Variants in PPARA observed in about 807,000 individuals in gnomAD.
PPARA encodes the protein peroxisome proliferator activated receptor alpha.
PPARA carries 22 observed loss-of-function variants against 42.2 expected under a neutral mutation model. The observed-to-expected ratio is 0.52, with a 90% CI of 0.37 to 0.74. PPARA has a LOEUF of 0.74. PPARA is among the 30% of genes least tolerant of loss of function. The probability of loss-of-function intolerance (pLI) is 0.00; values close to 1 mark genes in which losing one functional copy is unlikely to be tolerated. For missense variants in PPARA, 465 were observed against 608.2 expected, an observed-to-expected ratio of 0.76 and a Z score of 2.48; for synonymous variants, 242 against 239.3, an observed-to-expected ratio of 1.01 and a Z score of -0.10.
rs544829989 is a variant in PPARA, at chr22:46,198,058, G to A, written c.-42-284G>A. On this transcript the variant is annotated intron_variant, in intron 3 of 8. Coordinates refer to ENST00000407236, the MANE Select transcript of PPARA (RefSeq NM_005036.6). ...CACCCTGGCTAACACAGTGAAACCC[G>A]TCTCTACTAAAAAAAAAAAAATACA... 6.5e-3 allele frequency among the ~76,000 whole-genome samples: 958 copies of A among 147,180 alleles called. 12 individuals carry two copies. The highest frequency in any genetic ancestry group is 0.024 in the African/African-American group (923 of 39,244).
Position 46,182,953 on chromosome 22 carries a change from C to T in PPARA, c.-43+6117C>T, listed in dbSNP as rs1459157940. ...AAAGACAGGGTTTCGCCATGATTGC[C>T]AGGCTGGTCTTGAACTCCTGACCTC... is the stretch of plus-strand genomic sequence containing the variant. On this transcript the variant is annotated intron_variant, in intron 3 of 8. Transcript: ENST00000407236. The surrounding 1 kb of genome is among the most constrained non-coding windows in gnomAD (Gnocchi z 5.2). Among the ~76,000 whole-genome samples the T allele has an allele frequency of 6.6e-6, 1 of 152,142 alleles. No homozygotes were observed. Among genetic ancestry groups the T allele is most frequent in the African/African-American group, 2.4e-5 (1 of 41,448 alleles).
intron 4 of PPARA, among the ~76,000 whole-genome samples, chr22:46,214,547 G>A (rs1309452190): frequency 7.6e-6 from 1 of 132,374 alleles, no homozygotes; most frequent in Non-Finnish European, 1.6e-5. Flanking sequence ...ATGTTGGGGG[G>A]TCAGGAGATG....
intron 4 of PPARA, 65 bp downstream of exon 4, chr22:46,198,656 C>CAA: frequency 1.0e-6 from 1 of 1,000,784 alleles, no homozygotes; most frequent in Non-Finnish European, 1.5e-6. Flanking sequence ...AAACTGTTCT[C>CAA]TCTTTTTTTT....
Position 46,207,611 on chromosome 22 carries a change from G to A in PPARA, c.209-7562G>A, listed in dbSNP as rs1458974867. Among the ~76,000 whole-genome samples the A allele has an allele frequency of 3.0e-5, 4 of 132,798 alleles. No individual in the cohort carries two copies. The East Asian group carries it at 8.8e-4, about 29-fold the overall frequency. The allele number at this position is 132,798 out of a possible 152,430, so 87.1% of individuals were successfully genotyped here. ...TTTTTTCTTTAAATGCTTTTAAGAT[G>A]TTCCTACTATCTTCTTGTTTTTAAT... On this transcript the variant is annotated intron_variant, in intron 4 of 8. Coordinates refer to ENST00000407236, the MANE Select transcript of PPARA (RefSeq NM_005036.6).
rs1166488930 is a variant in PPARA, at chr22:46,170,772, G to C, written c.-126-5981G>C. On this transcript the variant is annotated intron_variant, in intron 2 of 8. Coordinates refer to ENST00000407236, the MANE Select transcript of PPARA (RefSeq NM_005036.6). ...GAGGAGGGACAAAGTCCTTCCCCTG[G>C]AGGGATCCTGAGCACTTTGGAGAGG... Among the ~76,000 whole-genome samples, 4 of 151,752 alleles carry C rather than the reference G, an allele frequency of 2.6e-5. 1 individual carries two copies. Among genetic ancestry groups the C allele is most frequent in the Non-Finnish European group, 4.4e-5 (3 of 67,900 alleles).
At chr22:46,215,588 A>C (rs1475736151) in intron 5 of PPARA, among the ~76,000 whole-genome samples, 1 of 151,720 alleles carries the variant, frequency 6.6e-6, no homozygotes. Flanking sequence ...AAATACCAAA[A>C]AAAATTAGCC....
chr22:46,174,634 T>C (rs1026778293), intron 2 of PPARA, among the ~76,000 whole-genome samples: 5 of 151,716 alleles, frequency 3.3e-5, no homozygotes, highest in African/African-American at 1.2e-4. Context: ...CTGGGAAACA[T>C]AGTGAGACCC....
chr22:46,152,784 CA>C (rs1326488471), intron 2 of PPARA, among the ~76,000 whole-genome samples: 3 of 152,260 alleles, frequency 2.0e-5, no homozygotes, highest in Admixed American at 2.0e-4. Context: ...AACTCTGAAG[CA>C]AAAGTAAACT....
At position 46,162,988 on chromosome 22, in the gene PPARA, A is replaced by G. The variant is rs949233446; in HGVS notation, c.-127+11018A>G. 1.3e-5 allele frequency among the ~76,000 whole-genome samples: 2 copies of G among 152,248 alleles called. No individual in the cohort carries two copies. The highest frequency in any genetic ancestry group is 4.8e-5 in the African/African-American group (2 of 41,462). On this transcript the variant is annotated intron_variant, in intron 2 of 8. Transcript: ENST00000407236. The surrounding 1 kb of genome is among the most constrained non-coding windows in gnomAD (Gnocchi z 6.0). ...GCACTGTCCTGCTGTGGAAAACAGC[A>G]GGCATGATTCCCTGCCACTACCAAC...
rs1347340322 is a variant in PPARA at position 46,221,894 on chromosome 22, G to A, written c.711+1880G>A. On this transcript the variant is annotated intron_variant, in intron 7 of 8. Transcript: ENST00000407236. The surrounding 1 kb of genome is among the most constrained non-coding windows in gnomAD (Gnocchi z 5.9). ...AGTTTGAGACCACCCTGGCCAACATGGTGAAACCCCATCTCTATTAAAAAT... is the reference window on the plus strand; with the variant it reads ...AGTTTGAGACCACCCTGGCCAACATAGTGAAACCCCATCTCTATTAAAAAT... 6.6e-6 allele frequency among the ~76,000 whole-genome samples: 1 copy of A among 152,084 alleles called. No homozygotes were observed. Among genetic ancestry groups the A allele is most frequent in the African/African-American group, 2.4e-5 (1 of 41,416 alleles).
chr22:46,215,831 C>T (rs4253738), intron 5 of PPARA, among the ~76,000 whole-genome samples: 5,053 of 152,222 alleles, frequency 0.033, 228 homozygotes, highest in African/African-American at 0.1. Context: ...CCCCTGAGAG[C>T]GTAAGCCCTG....
At chr22:46,172,506 T>C (rs1388996000) in intron 2 of PPARA, among the ~76,000 whole-genome samples, 1 of 152,010 alleles carries the variant, frequency 6.6e-6, no homozygotes, top group Non-Finnish European at 1.5e-5. Context: ...TAGTTCCAGC[T>C]ACTCAGGAGG....
At chr22:46,179,672 T>C (rs1929669369) in intron 3 of PPARA, among the ~76,000 whole-genome samples, 1 of 151,902 alleles carries the variant, frequency 6.6e-6, no homozygotes, top group Non-Finnish European at 1.5e-5. Flanking sequence ...TTCATAGATA[T>C]GACACCGAGA....
chr22:46,228,592 T>G (rs1935639216), intron 7 of PPARA, among the ~76,000 whole-genome samples: 1 of 152,052 alleles, frequency 6.6e-6, no homozygotes, highest in African/African-American at 2.4e-5. Context: ...TCCTGTAAAT[T>G]ACGTAGCCAG....
At position 46,224,060 on chromosome 22, in the gene PPARA, C is replaced by T. The variant is rs935377744; in HGVS notation, c.711+4046C>T. Among the ~76,000 whole-genome samples the T allele has an allele frequency of 6.6e-6, 1 of 152,162 alleles. No homozygotes were observed. The highest frequency in any genetic ancestry group is 6.5e-5 in the Admixed American group (1 of 15,278). ...GGCACTCTTCCGAGAGTCAGATGCC[C>T]TCTTCCACCCACACCCACAAAGCCA... On this transcript the variant is annotated intron_variant, in intron 7 of 8. Transcript: ENST00000407236. The surrounding 1 kb of genome is among the most constrained non-coding windows in gnomAD (Gnocchi z 5.7).
intron 5 of PPARA, 24 bp downstream of exon 5, chr22:46,215,357 C>T: frequency 6.2e-7 from 1 of 1,613,986 alleles, no homozygotes; most frequent in South Asian, 1.1e-5. Context: ...GGAACAGGGC[C>T]TGGTGGCCGC....
rs1601803349 is a variant in PPARA, at chr22:46,224,512, C to G, written c.711+4498C>G. On this transcript the variant is annotated intron_variant, in intron 7 of 8. Coordinates refer to ENST00000407236, the MANE Select transcript of PPARA (RefSeq NM_005036.6). This position sits in a 1 kb window ranked among gnomAD's most constrained non-coding sequence, Gnocchi z 5.7. ...AAACACCTTGATCTCTGCCCAGTGGCCCACATGCGGTCGCCGTTTCATCAG... is the reference window on the plus strand; with the variant it reads ...AAACACCTTGATCTCTGCCCAGTGGGCCACATGCGGTCGCCGTTTCATCAG... Among the ~76,000 whole-genome samples, 1 of 152,190 alleles carries G rather than the reference C, an allele frequency of 6.6e-6. No homozygotes were observed. Among genetic ancestry groups the G allele is most frequent in the Admixed American group, 6.5e-5 (1 of 15,282 alleles).
chr22:46,181,068 C>T (rs775865043), intron 3 of PPARA, among the ~76,000 whole-genome samples: 1 of 151,262 alleles, frequency 6.6e-6, no homozygotes, highest in African/African-American at 2.5e-5. Context: ...TGCCCAGACC[C>T]AGAGGGGCTG....
rs533682674 is a variant in PPARA, at chr22:46,176,997, T to G, written c.-43+161T>G. 2.6e-5 allele frequency among the ~76,000 whole-genome samples: 4 copies of G among 152,200 alleles called. No individual in the cohort carries two copies. The South Asian group carries it at 6.2e-4, about 24-fold the overall frequency. On this transcript the variant is annotated intron_variant, in intron 3 of 8. Transcript: ENST00000407236. ...GGGCCAAGGCGGGCAGATCACGAGG[T>G]TAGGAGATTGAGACCATCCTGGCTA...
Sources: allele counts gnomAD v4.1 joint callset (sites outside exome capture counted in the v4.1 genomes callset), GRCh38; gene constraint gnomAD v4.1.1; non-coding constraint Gnocchi (gnomAD v3.1); transcripts MANE v1.5; gene names NCBI Gene and HGNC (gene_info 2026-07-23, HGNC 2026-07-21).